The following FAM184B variants were observed in gnomAD, a reference collection of about 807,000 sequenced individuals.
FAM184B encodes protein FAM184B.
A neutral mutation model predicts 135.9 loss-of-function variants in FAM184B; 111 were observed. The observed-to-expected ratio is 0.82, with a 90% CI of 0.70 to 0.96. The LOEUF is 0.96. Among genes scored for constraint, FAM184B ranks in the 40% least tolerant of loss-of-function variants. The pLI is 0.00. For synonymous variants in FAM184B, 552 were observed against 524.8 expected (o/e 1.05, Z -0.71); for missense variants, 1,375 against 1,323.9 (o/e 1.04, Z -0.60).
chr4:17,658,254 G>GA, intron 10 of FAM184B, 96 bp downstream of exon 10: 1 of 1,052,518 alleles, frequency 9.5e-7, no homozygotes, highest in Non-Finnish European at 1.4e-6. Context: ...ATGCTCGGGG[G>GA]ATTGGATGTC....
chr4:17,667,226 C>T (rs566647208), intron 7 of FAM184B, among the ~76,000 whole-genome samples: 2 of 152,164 alleles, frequency 1.3e-5, no homozygotes, highest in Admixed American at 1.3e-4. Context: ...TCCTAAAGTT[C>T]TCATATTACA....
At chr4:17,713,196 T>A (rs1180654350) in intron 1 of FAM184B, among the ~76,000 whole-genome samples, 2 of 152,192 alleles carry the variant, frequency 1.3e-5, no homozygotes, top group Admixed American at 6.5e-5. Flanking sequence ...AATGAGTGAA[T>A]AAAGGAGTCA....
intron 1 of FAM184B, among the ~76,000 whole-genome samples, chr4:17,749,240 G>A (rs963053499): frequency 6.6e-6 from 1 of 152,006 alleles, no homozygotes; most frequent in Non-Finnish European, 1.5e-5. Flanking sequence ...ATGGACTCTA[G>A]TTCAGGAACC....
intron 1 of FAM184B, among the ~76,000 whole-genome samples, chr4:17,727,625 C>T (rs531173263): frequency 2.0e-5 from 3 of 152,264 alleles, no homozygotes; most frequent in South Asian, 2.1e-4. Flanking sequence ...GAAATTGCCA[C>T]TTTTAAATCA....
At chr4:17,686,408 A>G (rs1238208328) in intron 7 of FAM184B, among the ~76,000 whole-genome samples, 1 of 152,232 alleles carries the variant, frequency 6.6e-6, no homozygotes, top group Non-Finnish European at 1.5e-5. Context: ...TCTGGGTGTC[A>G]GAGGAGGAAG....
Position 17,678,381 on chromosome 4 carries a change from C to T in FAM184B, c.1596+10043G>A, listed in dbSNP as rs149946117. Reference sequence around the variant, plus strand: ...TAGCTCTTCTATACACCAACATCGACCAAGCTGGGAATCAAATCAAGAACT... The same window carrying T: ...TAGCTCTTCTATACACCAACATCGATCAAGCTGGGAATCAAATCAAGAACT... On this transcript the variant is annotated intron_variant, in intron 7 of 17. Transcript: ENST00000265018. 4.1e-3 allele frequency among the ~76,000 whole-genome samples: 631 copies of T among 152,122 alleles called. 1 individual carries two copies. The highest frequency in any genetic ancestry group is 0.014 in the African/African-American group (599 of 41,512).
At position 17,658,376 on chromosome 4, in the gene FAM184B, C is replaced by T; in HGVS notation, c.2011G>A (p.Glu671Lys). ...ASHQRALRMLEKARHQELKAT... is the reference protein window; with the variant it reads ...ASHQRALRMLKKARHQELKAT... ...TTGAGTTCCTGATGTCTGGCCTTCT[C>T]CAGCATGCGCAGGGCTCTCTGGTGG... Residue 671 changes from glutamate to lysine, a missense_variant, in exon 10 of 18, where the codon GAG (glutamate) becomes AAG (lysine). Coordinates refer to ENST00000265018, the MANE Select transcript of FAM184B (RefSeq NM_015688.2). 14 of 1,551,658 alleles carry T rather than the reference C, an allele frequency of 9.0e-6. No individual in the cohort carries two copies. The highest frequency in any genetic ancestry group is 1.2e-5 in the Non-Finnish European group (14 of 1,146,996).
At chr4:17,728,088 A>T (rs1307885016) in intron 1 of FAM184B, among the ~76,000 whole-genome samples, 1 of 152,176 alleles carries the variant, frequency 6.6e-6, no homozygotes, top group African/African-American at 2.4e-5. Context: ...GACCAGCCTG[A>T]GTAATAAAGT....
In FAM184B at chr4:17,767,129, C is replaced by T. The variant is rs546483574; in HGVS notation, c.141+14030G>A. Among the ~76,000 whole-genome samples, 30 of 152,278 alleles carry T rather than the reference C, an allele frequency of 2.0e-4. No homozygotes were observed. In the South Asian group the frequency reaches 3.9e-3, roughly 20 times the overall value. ...CGGGGCCGCCGAGCCAACGCCCACC[C>T]GGAACTCGCGCTGGCCCGCGAGGGC... On this transcript the variant is annotated intron_variant, in intron 1 of 17. Transcript: ENST00000265018.
intron 1 of FAM184B, among the ~76,000 whole-genome samples, chr4:17,772,704 G>T (rs1404735407): frequency 1.3e-5 from 2 of 152,176 alleles, no homozygotes; most frequent in Non-Finnish European, 2.9e-5. Context: ...TCTGTTTTGA[G>T]ACCAAACTAT....
chr4:17,688,686 T>TTC (rs1366334676), intron 6 of FAM184B, among the ~76,000 whole-genome samples, 155 bp from the exon 7 acceptor site: 1 of 132,456 alleles, frequency 7.5e-6, no homozygotes, highest in Non-Finnish European at 1.6e-5. Flanking sequence ...ATGCCTTTTT[T>TTC]TTTTTTTTTT....
At position 17,635,038 on chromosome 4, in the gene FAM184B, GAGGATTGA is replaced by G; in HGVS notation, c.2852_2859del (p.Phe951SerfsTer44). The G allele has an allele frequency of 6.4e-7, 1 of 1,551,862 alleles. No homozygotes were observed. The highest frequency in any genetic ancestry group is 8.7e-7 in the Non-Finnish European group (1 of 1,146,946). On this transcript the variant is annotated frameshift_variant, in exon 16 of 18. Coordinates refer to ENST00000265018, the MANE Select transcript of FAM184B (RefSeq NM_015688.2). LOFTEE classifies it high-confidence loss of function. ...ATGGAAGGGGTCAAATATCCCGGGT[GAGGATTGA>G]AAGAGAAAGACCGATTCCGGTGGGA...
At chr4:17,724,612 T>C (rs1169858096) in intron 1 of FAM184B, among the ~76,000 whole-genome samples, 1 of 152,190 alleles carries the variant, frequency 6.6e-6, no homozygotes, top group Non-Finnish European at 1.5e-5. Flanking sequence ...AGAGTCTTGC[T>C]GCTGATGATG....
chr4:17,767,413 A>G (rs567059398), intron 1 of FAM184B, among the ~76,000 whole-genome samples: 14 of 152,372 alleles, frequency 9.2e-5, no homozygotes, highest in African/African-American at 3.4e-4. Flanking sequence ...TTTGGTTCCT[A>G]TGAAAACAGG....
chr4:17,683,723 C>T (rs62295634), intron 7 of FAM184B, among the ~76,000 whole-genome samples: 17 of 151,458 alleles, frequency 1.1e-4, no homozygotes, highest in African/African-American at 2.2e-4. Flanking sequence ...AAAAAAATGA[C>T]GCTAAAAGGG....
chr4:17,655,914 C>T (rs1715768704), intron 10 of FAM184B, among the ~76,000 whole-genome samples: 1 of 152,208 alleles, frequency 6.6e-6, no homozygotes, highest in Non-Finnish European at 1.5e-5. Context: ...TACCATCTAT[C>T]ATTTTATAAA....
At position 17,705,141 on chromosome 4, in the gene FAM184B, T is replaced by G. The variant is rs1179260510; in HGVS notation, c.1236A>C (p.Lys412Asn). ...MKQQYEEDLR[K>N]IKHQTEEEKK... ...TCTCCTCTTCTGTCTGATGTTTGAT[T>G]TTACGAAGGTCTTCTTCATATTGTT... The change falls in exon 5 of 18, where the codon AAA becomes AAC. Residue 412 changes from lysine (K) to asparagine (N), a missense_variant. By Grantham distance (94) the Lys-to-Asn change is moderately conservative. Coordinates refer to ENST00000265018, the MANE Select transcript of FAM184B (RefSeq NM_015688.2). The G allele has an allele frequency of 6.4e-7, 1 of 1,551,838 alleles. No homozygotes were observed. Among genetic ancestry groups the G allele is most frequent in the South Asian group, 1.2e-5 (1 of 84,066 alleles).
At chr4:17,744,487 A>AC (rs1440417388) in intron 1 of FAM184B, among the ~76,000 whole-genome samples, 126 of 142,278 alleles carry the variant, frequency 8.9e-4, no homozygotes, top group African/African-American at 3.3e-3. Context: ...ACACACACAC[A>AC]CACCACACAC....
chr4:17,740,351 C>A (rs1357883306), intron 1 of FAM184B, among the ~76,000 whole-genome samples: 574 of 84,468 alleles, frequency 6.8e-3, no homozygotes, highest in Middle Eastern at 9.1e-3. Context: ...GACCCTGTCT[C>A]AAAAAAAAAA....
Sources: gnomAD v4.1 joint callset for allele counts (sites outside exome capture counted in the v4.1 genomes callset) on GRCh38, gnomAD v4.1.1 for gene constraint, MANE v1.5 for transcripts, NCBI Gene and HGNC (gene_info 2026-07-23, HGNC 2026-07-21) for gene names.